The following PLXNA2 variants were observed in gnomAD, a reference collection of about 807,000 sequenced individuals.
The protein encoded by PLXNA2 is plexin A2, also known as plexin-A2.
In PLXNA2, 91 loss-of-function variants were observed where a neutral mutation model predicts 193.5. That is an observed-to-expected ratio of 0.47 (90% CI 0.40 to 0.56). The LOEUF (loss-of-function observed/expected upper bound fraction) is 0.56. Among genes scored for constraint, PLXNA2 ranks in the 20% least tolerant of loss-of-function variants. The pLI is 0.00. For synonymous variants in PLXNA2, 997 were observed against 1,027.3 expected (o/e 0.97, Z 0.56); for missense variants, 1,995 against 2,503.2 (o/e 0.80, Z 4.33).
Position 208,236,075 on chromosome 1 carries a change from A to G in PLXNA2, c.-81+7568T>C, listed in dbSNP as rs1671840848. ...AATCCCAGCCGGCCCTGCTCCTGGAAAACACCACTGCCCTAAAACGTGGAG... is the reference window on the plus strand; with the variant it reads ...AATCCCAGCCGGCCCTGCTCCTGGAGAACACCACTGCCCTAAAACGTGGAG... On this transcript the variant is annotated intron_variant, in intron 1 of 31. Transcript: ENST00000367033. This position sits in a 1 kb window ranked among gnomAD's most constrained non-coding sequence, Gnocchi z 4.4. Among the ~76,000 whole-genome samples, 1 of 152,124 alleles carries G rather than the reference A, an allele frequency of 6.6e-6. No individual in the cohort carries two copies. Among genetic ancestry groups the G allele is most frequent in the African/African-American group, 2.4e-5 (1 of 41,406 alleles).
At chr1:208,213,138 A>C (rs1206472128) in intron 2 of PLXNA2, among the ~76,000 whole-genome samples, 2 of 151,634 alleles carry the variant, frequency 1.3e-5, no homozygotes, top group Admixed American at 6.6e-5. Context: ...CTACTGTCTT[A>C]TTGATTCTAG....
At chr1:208,142,146 C>A (rs1248211616) in intron 4 of PLXNA2, among the ~76,000 whole-genome samples, 183 bp downstream of exon 4, 1 of 152,220 alleles carries the variant, frequency 6.6e-6, no homozygotes, top group African/African-American at 2.4e-5. Flanking sequence ...CGGGAAGTGG[C>A]TGGCCCCCGG....
intron 1 of PLXNA2, among the ~76,000 whole-genome samples, chr1:208,240,669 G>C (rs1450285383): frequency 6.7e-6 from 1 of 150,218 alleles, no homozygotes. Context: ...CTCAAAGCCT[G>C]TTTCTACCAG....
chr1:208,033,563 G>A lies in PLXNA2; in HGVS notation c.4865-54C>T, dbSNP rs1292017995. Reference sequence around the variant, plus strand: ...TGAGTAACAGTCACCAGCCTTGCTTGTAGAATCCTTCCAGAATCCCTGCCC... The same window carrying A: ...TGAGTAACAGTCACCAGCCTTGCTTATAGAATCCTTCCAGAATCCCTGCCC... On this transcript the variant is annotated intron_variant, in intron 27 of 31. Coordinates refer to ENST00000367033, the MANE Select transcript of PLXNA2 (RefSeq NM_025179.4). 1.2e-5 allele frequency: 17 copies of A among 1,441,116 alleles called. No individual in the cohort carries two copies. The East Asian group carries it at 3.3e-4, about 28-fold the overall frequency. The allele number at this position is 1,441,116 out of a possible 1,614,324, so 89.3% of individuals were successfully genotyped here.
At chr1:208,185,696 C>CCAAAA (rs1669970998) in intron 3 of PLXNA2, among the ~76,000 whole-genome samples, 1 of 57,256 alleles carries the variant, frequency 1.7e-5, no homozygotes, top group African/African-American at 7.1e-5. Context: ...TCTCTGAAAG[C>CCAAAA]AAAAAAAAAA....
In PLXNA2 at chr1:208,022,509, CCA is replaced by C. The variant is rs1454699156; in HGVS notation, c.*4732_*4733del. ...CTTAAAAATATATATAATACAGATT[CCA>C]GTGTGTCAAGAGGAGTGGGTTTGAG... On this transcript the variant is annotated 3_prime_UTR_variant, in exon 32 of 32. Coordinates refer to ENST00000367033, the MANE Select transcript of PLXNA2 (RefSeq NM_025179.4). 3 of 152,492 alleles carry C rather than the reference CCA, an allele frequency of 2.0e-5. No homozygotes were observed. Among genetic ancestry groups the C allele is most frequent in the Non-Finnish European group, 4.4e-5 (3 of 68,018 alleles). The allele number at this position is 152,492 out of a possible 1,614,324, so 9.4% of individuals were successfully genotyped here.
At chr1:208,093,093 A>AAAG (rs1281661919) in intron 8 of PLXNA2, among the ~76,000 whole-genome samples, 193 bp from the exon 9 acceptor site, 1 of 152,248 alleles carries the variant, frequency 6.6e-6, no homozygotes, top group Non-Finnish European at 1.5e-5. Context: ...AGAAAATTGG[A>AAAG]AAGAAAATGA....
intron 1 of PLXNA2, among the ~76,000 whole-genome samples, chr1:208,234,465 A>C (rs1362673569): frequency 6.6e-6 from 1 of 152,112 alleles, no homozygotes; most frequent in African/African-American, 2.4e-5. Context: ...CCCATCCCGC[A>C]CTCTGCATTT....
chr1:208,130,274 C>T (rs1668106216), intron 4 of PLXNA2, among the ~76,000 whole-genome samples: 1 of 152,220 alleles, frequency 6.6e-6, no homozygotes, highest in Admixed American at 6.5e-5. Context: ...TGCAGCCAAG[C>T]TGGGCTCTAA....
At chr1:208,113,021 A>AAC (rs1346318726) in intron 4 of PLXNA2, among the ~76,000 whole-genome samples, 3 of 151,730 alleles carry the variant, frequency 2.0e-5, no homozygotes, top group African/African-American at 7.3e-5. Context: ...AAAAAAAAAA[A>AAC]AAACAGAGAT....
rs561394867 is a variant in PLXNA2 at position 208,144,305 on chromosome 1, AGCACTATTGATTGCAGAGCTAGGG to A, written c.1372-1866_1372-1843del. Among the ~76,000 whole-genome samples the A allele has an allele frequency of 1.4e-3, 208 of 152,330 alleles. 1 individual carries two copies. Among genetic ancestry groups the A allele is most frequent in the African/African-American group, 4.8e-3 (199 of 41,568 alleles). Reference sequence around the variant, plus strand: ...TATTGGCCGAGTGGGGAAGGTCAACAGCACTATTGATTGCAGAGCTAGGGGAGTGGGAGAAGAGCTTCCATTCCT... The same window carrying A: ...TATTGGCCGAGTGGGGAAGGTCAACAGAGTGGGAGAAGAGCTTCCATTCCT... On this transcript the variant is annotated intron_variant, in intron 3 of 31. Coordinates refer to ENST00000367033, the MANE Select transcript of PLXNA2 (RefSeq NM_025179.4).
At chr1:208,097,313 G>GGTTT (rs1389995065) in intron 6 of PLXNA2, among the ~76,000 whole-genome samples, 1 of 152,206 alleles carries the variant, frequency 6.6e-6, no homozygotes, top group African/African-American at 2.4e-5. Flanking sequence ...CCAACCTGGA[G>GGTTT]GTTTACCAGG....
Position 208,025,149 on chromosome 1 carries a change from G to A in PLXNA2, c.*2094C>T, listed in dbSNP as rs1018444049. 7 of 152,602 alleles carry A rather than the reference G, an allele frequency of 4.6e-5. No individual in the cohort carries two copies. The highest frequency in any genetic ancestry group is 2.6e-4 in the Admixed American group (4 of 15,280). The allele number at this position is 152,602 out of a possible 1,614,324, so 9.5% of individuals were successfully genotyped here. ...CAGCAAGTTTCCTGAGTATTTTGCT[G>A]AATGCTTTTCTCTTCCCATTTGTCA... is the stretch of plus-strand genomic sequence containing the variant. On this transcript the variant is annotated 3_prime_UTR_variant, in exon 32 of 32. Transcript: ENST00000367033.
At chr1:208,127,547 C>T (rs781004241) in intron 4 of PLXNA2, among the ~76,000 whole-genome samples, 5 of 152,170 alleles carry the variant, frequency 3.3e-5, no homozygotes, top group Non-Finnish European at 5.9e-5. Flanking sequence ...CCAATTGGCT[C>T]AGAGGAGCTG....
chr1:208,093,943 C>T (rs148956097), intron 8 of PLXNA2, among the ~76,000 whole-genome samples: 1 of 152,162 alleles, frequency 6.6e-6, no homozygotes, highest in South Asian at 2.1e-4. Context: ...TGCAGTCTGG[C>T]GCCACCTGGT....
intron 3 of PLXNA2, among the ~76,000 whole-genome samples, chr1:208,151,767 A>C (rs1668770945): frequency 1.3e-5 from 2 of 152,250 alleles, no homozygotes; most frequent in African/African-American, 4.8e-5. Flanking sequence ...GCAGGATCAC[A>C]CAGCTAGAAA....
Position 208,081,402 on chromosome 1 carries a change from G to A in PLXNA2, c.2395+1010C>T, listed in dbSNP as rs943022681. Among the ~76,000 whole-genome samples the A allele has an allele frequency of 7.9e-5, 12 of 152,214 alleles. No homozygotes were observed. The East Asian group carries it at 2.3e-3, about 29-fold the overall frequency. The stretch of plus-strand genomic sequence containing the variant: ...GGCTGATCCGTCAGGTGGAAGCAGA[G>A]GCTTGTGACAACCCTAGCTACTTGA... On this transcript the variant is annotated intron_variant, in intron 11 of 31. Coordinates refer to ENST00000367033, the MANE Select transcript of PLXNA2 (RefSeq NM_025179.4).
At chr1:208,195,674 C>A in intron 3 of PLXNA2, among the ~76,000 whole-genome samples, 1 of 148,270 alleles carries the variant, frequency 6.7e-6, no homozygotes, top group African/African-American at 2.5e-5. Context: ...TAGGGGTGGG[C>A]AACATGCATC....
chr1:208,157,764 C>T (rs912337859), intron 3 of PLXNA2, among the ~76,000 whole-genome samples: 4 of 152,180 alleles, frequency 2.6e-5, no homozygotes, highest in African/African-American at 9.7e-5. Context: ...GGAGGAGAAA[C>T]TCCTATGGGT....
Sources: gnomAD v4.1 joint callset for allele counts (sites outside exome capture counted in the v4.1 genomes callset) on GRCh38, gnomAD v4.1.1 for gene constraint, Gnocchi (gnomAD v3.1) non-coding constraint, MANE v1.5 for transcripts, NCBI Gene and HGNC (gene_info 2026-07-23, HGNC 2026-07-21) for gene names.